TNRC6B: variants seen among roughly 807,000 people sequenced by gnomAD.
TNRC6B encodes trinucleotide repeat-containing gene 6B protein.
In TNRC6B, 52 loss-of-function variants were observed where a neutral mutation model predicts 203.6. That is an observed-to-expected ratio of 0.26 (90% confidence interval 0.20 to 0.32). The LOEUF is 0.32. TNRC6B is among the 10% of genes least tolerant of loss of function. TNRC6B has a pLI of 1.00. For missense variants in TNRC6B, 1,923 were observed against 2,286.2 expected (o/e 0.84, Z 3.24); for synonymous variants, 838 against 845.7 (o/e 0.99, Z 0.16).
Position 40,170,455 on chromosome 22 carries a change from A to G in TNRC6B, c.113+14273A>G, listed in dbSNP as rs1362368174. On this transcript the variant is annotated intron_variant, in intron 4 of 23. Transcript: ENST00000301923. ...TATATAGTTTATATATATATTATAT[A>G]TATAGTTTATATATATATTATATAT... 1.3e-4 allele frequency among the ~76,000 whole-genome samples: 2 copies of G among 15,228 alleles called. 1 individual carries two copies. The highest frequency in any genetic ancestry group is 1.8e-4 in the Non-Finnish European group (2 of 11,222). 10.0% of individuals were successfully genotyped at this position (15,228 alleles called of 152,430 possible). A position where few individuals can be genotyped will look rare whatever the true frequency, so the allele number is the denominator to read the frequency against.
At chr22:40,283,368 C>G (rs966157240) in intron 11 of TNRC6B, among the ~76,000 whole-genome samples, 1 of 152,062 alleles carries the variant, frequency 6.6e-6, no homozygotes, top group Non-Finnish European at 1.5e-5. Context: ...CAGATGGGGT[C>G]TTGCTTATGT....
chr22:40,312,441 A>G (rs1308171500), intron 17 of TNRC6B, 64 bp from the exon 18 acceptor site: 5 of 1,513,258 alleles, frequency 3.3e-6, no homozygotes, highest in Non-Finnish European at 4.5e-6. Context: ...TTATGTCAAA[A>G]AAAGTACTAT....
At chr22:40,217,924 G>A (rs1427510147) in intron 1 of TNRC6B, among the ~76,000 whole-genome samples, 11 of 147,394 alleles carry the variant, frequency 7.5e-5, no homozygotes, top group Admixed American at 7.1e-4. Flanking sequence ...AGTGAGCCGA[G>A]GTCACGCTAC....
At chr22:40,170,741 CTATATA>C (rs966620741) in intron 4 of TNRC6B, among the ~76,000 whole-genome samples, 1 of 127,188 alleles carries the variant, frequency 7.9e-6, no homozygotes, top group Non-Finnish European at 1.7e-5. Flanking sequence ...GTGTATATAT[CTATATA>C]TGTACATATA....
chr22:40,285,252 T>A (rs998141854), intron 11 of TNRC6B, among the ~76,000 whole-genome samples: 15 of 152,242 alleles, frequency 9.9e-5, no homozygotes, highest in Non-Finnish European at 8.8e-5. Flanking sequence ...TTCATAAGGC[T>A]GCATTTTTAC....
At chr22:40,277,261 C>A in intron 8 of TNRC6B, 110 bp downstream of exon 8, 1 of 727,442 alleles carries the variant, frequency 1.4e-6, no homozygotes, top group Non-Finnish European at 2.1e-6. Context: ...GATTTAAAAA[C>A]TAGTTAAGCA....
At chr22:40,306,674 A>T (rs1056415723) in intron 15 of TNRC6B, among the ~76,000 whole-genome samples, 2 of 152,150 alleles carry the variant, frequency 1.3e-5, no homozygotes, top group Non-Finnish European at 2.9e-5. Flanking sequence ...AAATGCCTCA[A>T]ACTCTTCTTT....
chr22:40,137,280 A>G (rs1296810025), intron 3 of TNRC6B, among the ~76,000 whole-genome samples: 1 of 152,256 alleles, frequency 6.6e-6, no homozygotes, highest in Non-Finnish European at 1.5e-5. Context: ...TGGAAAAGCA[A>G]ACATGCAGCG....
chr22:40,327,376 T>G lies in TNRC6B; in HGVS notation c.*4135T>G, dbSNP rs1377051986. 1 of 152,578 alleles carries G rather than the reference T, an allele frequency of 6.6e-6. No homozygotes were observed. Among genetic ancestry groups the G allele is most frequent in the Non-Finnish European group, 1.5e-5 (1 of 68,054 alleles). The allele number at this position is 152,578 out of a possible 1,614,324, so 9.5% of individuals were successfully genotyped here. On this transcript the variant is annotated 3_prime_UTR_variant, in exon 23 of 23. Coordinates refer to ENST00000454349, the MANE Select transcript of TNRC6B (RefSeq NM_001162501.2). ...TCAAGCAAGTTAATATGCTTATGTC[T>G]CAGTAATGTAGAATGCCAAGTTCCT...
At chr22:40,311,822 C>T (rs572618176) in intron 17 of TNRC6B, among the ~76,000 whole-genome samples, 40 of 152,328 alleles carry the variant, frequency 2.6e-4, no homozygotes, top group African/African-American at 9.4e-4. Context: ...GGATTACAGG[C>T]GTGAGCCACC....
intron 5 of TNRC6B, among the ~76,000 whole-genome samples, chr22:40,269,284 C>T (rs987199875): frequency 1.3e-5 from 2 of 151,774 alleles, no homozygotes; most frequent in Non-Finnish European, 1.5e-5. Flanking sequence ...AGGCATGCGT[C>T]GTCACGCCCA....
At chr22:40,234,050 C>G (rs2069915594) in intron 1 of TNRC6B, among the ~76,000 whole-genome samples, 2 of 152,160 alleles carry the variant, frequency 1.3e-5, no homozygotes, top group Non-Finnish European at 2.9e-5. Context: ...GTTTGAGAGG[C>G]CGATGCAGGA....
chr22:40,314,191 C>G (rs5025677), intron 19 of TNRC6B, among the ~76,000 whole-genome samples: 5 of 152,164 alleles, frequency 3.3e-5, no homozygotes, highest in African/African-American at 1.2e-4. Flanking sequence ...TTCCCCACCC[C>G]CAAAAGTGTC....
intron 11 of TNRC6B, among the ~76,000 whole-genome samples, chr22:40,284,606 G>T (rs1436386348): frequency 6.6e-6 from 1 of 152,140 alleles, no homozygotes; most frequent in Non-Finnish European, 1.5e-5. Flanking sequence ...ATACGAAGAG[G>T]GAAAGATTTA....
At chr22:40,077,190 C>A (rs981961791) in intron 1 of TNRC6B, among the ~76,000 whole-genome samples, 1 of 152,048 alleles carries the variant, frequency 6.6e-6, no homozygotes, top group African/African-American at 2.4e-5. Flanking sequence ...CCTACAAACC[C>A]TGAACTCAGG....
chr22:40,119,332 C>T (rs2068421485), intron 2 of TNRC6B, among the ~76,000 whole-genome samples: 1 of 152,152 alleles, frequency 6.6e-6, no homozygotes, highest in Non-Finnish European at 1.5e-5. Flanking sequence ...GCCTATAGTC[C>T]CAGCACTTTG....
At chr22:40,065,429 T>C (rs768925865) in intron 1 of TNRC6B, among the ~76,000 whole-genome samples, 5 of 152,052 alleles carry the variant, frequency 3.3e-5, no homozygotes, top group African/African-American at 4.8e-5. Flanking sequence ...TACAGCCACC[T>C]CTCCTGGCAC....
At chr22:40,214,575 T>G (rs896270647) in intron 1 of TNRC6B, among the ~76,000 whole-genome samples, 3 of 151,158 alleles carry the variant, frequency 2.0e-5, no homozygotes, top group African/African-American at 7.3e-5. Flanking sequence ...TGGACAGAGT[T>G]TTTTGACAGA....
intron 1 of TNRC6B, among the ~76,000 whole-genome samples, chr22:40,193,185 G>C (rs2069295566): frequency 6.6e-6 from 1 of 152,110 alleles, no homozygotes. Flanking sequence ...GTTGTCGCGT[G>C]GCAAAGTCTC....
Sources: gnomAD v4.1 joint callset for allele counts (sites outside exome capture counted in the v4.1 genomes callset) on GRCh38, gnomAD v4.1.1 for gene constraint, MANE v1.5 for transcripts, NCBI Gene and HGNC (gene_info 2026-07-23, HGNC 2026-07-21) for gene names.